AATK: variants seen among roughly 807,000 people sequenced by gnomAD.
AATK encodes the protein lemur tail kinase 1.
In AATK, 91 loss-of-function variants were observed where a neutral mutation model predicts 114.3. The observed-to-expected ratio is 0.80, with a 90% CI of 0.67 to 0.95. The LOEUF is 0.95. Among genes scored for constraint, AATK ranks in the 40% least tolerant of loss-of-function variants. The probability of loss-of-function intolerance (pLI) is 0.00; values close to 1 mark genes in which losing one functional copy is unlikely to be tolerated. For missense variants in AATK, 2,176 were observed against 1,965.2 expected (o/e 1.11, Z -2.03); for synonymous variants, 1,075 against 916.5 (o/e 1.17, Z -3.12).
chr17:81,138,901 CCA>C (rs2061078017), intron 1 of AATK, among the ~76,000 whole-genome samples: 1 of 151,832 alleles, frequency 6.6e-6, no homozygotes, highest in Non-Finnish European at 1.5e-5. Context: ...ACACATATAA[CCA>C]CACATGCGTA....
chr17:81,157,338 G>A (rs1253808710), intron 1 of AATK, among the ~76,000 whole-genome samples: 3 of 152,194 alleles, frequency 2.0e-5, no homozygotes, highest in Non-Finnish European at 2.9e-5. Context: ...CCATGCACAC[G>A]CTCGCCTCCA....
chr17:81,126,901 C>T lies in AATK; in HGVS notation c.622-341G>A. ...GGTGGTCGAGGGTTGGCCGGCAGCC[C>T]CTGACCTGCCGAAAGCCCAGCCCCG... On this transcript the variant is annotated intron_variant, in intron 6 of 13. Transcript: ENST00000326724. This position sits in a 1 kb window ranked among gnomAD's most constrained non-coding sequence, Gnocchi z 5.1. 4.5e-6 allele frequency: 5 copies of T among 1,104,468 alleles called. No individual in the cohort carries two copies. The highest frequency in any genetic ancestry group is 5.6e-6 in the Non-Finnish European group (5 of 892,380). The allele number at this position is 1,104,468 out of a possible 1,614,324, so 68.4% of individuals were successfully genotyped here. A position where few individuals can be genotyped will look rare whatever the true frequency, so the allele number is the denominator to read the frequency against.
intron 1 of AATK, among the ~76,000 whole-genome samples, chr17:81,162,096 C>T (rs1307485249): frequency 4.6e-5 from 7 of 151,942 alleles, no homozygotes; most frequent in Non-Finnish European, 8.8e-5. Flanking sequence ...CGAGTGCCGA[C>T]ACCCACACCC....
At chr17:81,164,248 G>C (rs771700083) in intron 1 of AATK, among the ~76,000 whole-genome samples, 17 of 152,218 alleles carry the variant, frequency 1.1e-4, no homozygotes, top group Non-Finnish European at 2.5e-4. Context: ...TGGAAGGCTG[G>C]GCTAAGTTTA....
intron 1 of AATK, among the ~76,000 whole-genome samples, chr17:81,163,326 A>G (rs1414966755): frequency 6.6e-6 from 1 of 152,136 alleles, no homozygotes; most frequent in Non-Finnish European, 1.5e-5. Flanking sequence ...TGGGGCACTC[A>G]GGTAGAAGGG....
chr17:81,157,375 G>A (rs1010849764), intron 1 of AATK, among the ~76,000 whole-genome samples: 5 of 152,176 alleles, frequency 3.3e-5, no homozygotes, highest in Non-Finnish European at 5.9e-5. Context: ...GCTCATAGAC[G>A]CACACGTACC....
chr17:81,122,595 GA>G lies in AATK; in HGVS notation c.1340del (p.Phe447SerfsTer20). ...CGCCCGCGAACTGCTCCAGCAGCGG[GA>G]AGGACGAGGCAGCGGCGAGCTCCAC... is the stretch of plus-strand genomic sequence containing the variant. ...GVVELAAASSFPLLEQFAGDG... is the reference protein window; with the variant it reads ...GVVELAAASSXPLLEQFAGDG... On this transcript the variant is annotated frameshift_variant, in exon 11 of 14. Transcript: ENST00000326724. LOFTEE classifies it high-confidence loss of function. The G allele has an allele frequency of 6.9e-7, 1 of 1,439,414 alleles. No homozygotes were observed. Among genetic ancestry groups the G allele is most frequent in the Non-Finnish European group, 9.2e-7 (1 of 1,087,072 alleles). 89.2% of individuals were successfully genotyped at this position (1,439,414 alleles called of 1,614,324 possible).
chr17:81,134,504 G>A lies in AATK; in HGVS notation c.56-3C>T, dbSNP rs1168408566. ...CAGCTCGCTGAGCGGGGCGCCGTCT[G>A]CGGGAGAGCAGTGTGGTGAGAGTGG... On this transcript the variant is annotated splice_polypyrimidine_tract_variant and splice_region_variant and intron_variant, in intron 1 of 13. Transcript: ENST00000326724. The A allele has an allele frequency of 6.2e-7, 1 of 1,610,686 alleles. No homozygotes were observed.
intron 1 of AATK, chr17:81,165,522 TG>T: frequency 1.3e-6 from 1 of 750,758 alleles, no homozygotes; most frequent in Non-Finnish European, 2.0e-6. Flanking sequence ...GCTCCCAGCC[TG>T]GGAAGAAGCC....
intron 3 of AATK, 74 bp from the exon 4 acceptor site, chr17:81,128,623 G>A (rs1437229674): frequency 1.3e-6 from 2 of 1,540,058 alleles, no homozygotes; most frequent in South Asian, 1.2e-5. Context: ...GGCCCCTGGA[G>A]GGGCTGCCCG....
At chr17:81,138,341 CCACACATACCCA>C (rs1003550086) in intron 1 of AATK, among the ~76,000 whole-genome samples, 1 of 139,868 alleles carries the variant, frequency 7.1e-6, no homozygotes, top group African/African-American at 2.7e-5. Flanking sequence ...ACATGCACAC[CCACACATACCCA>C]CGCACACACA....
Position 81,122,426 on chromosome 17 carries a change from C to A in AATK, c.1510G>T (p.Glu504Ter). ...GGCGCGCCGTCGGGGGCGCACAGCT[C>A]CTGCAGGCGTGCGGTGCGGCCAGGG... Reference protein sequence around the residue: ...LSPGRTARLQELCAPDGAPPG... With the variant: ...LSPGRTARLQ The change falls in exon 11 of 14, where the codon GAG becomes TAG. Residue 504 changes from glutamate (E) to a stop codon, truncating the protein, a stop_gained. Transcript: ENST00000326724. LOFTEE classifies it high-confidence loss of function. The A allele has an allele frequency of 6.9e-7, 1 of 1,457,440 alleles. No homozygotes were observed. The highest frequency in any genetic ancestry group is 9.0e-7 in the Non-Finnish European group (1 of 1,106,750). The allele number at this position is 1,457,440 out of a possible 1,614,324, so 90.3% of individuals were successfully genotyped here.
chr17:81,128,048 A>G, intron 4 of AATK, 138 bp from the exon 5 acceptor site: 1 of 1,059,790 alleles, frequency 9.4e-7, no homozygotes, highest in Admixed American at 2.5e-5. Context: ...CACTCATTGC[A>G]GCGTGAGGTA....
rs545950382 is a variant in AATK at position 81,136,804 on chromosome 17, A to C, written c.56-2303T>G. 3.9e-5 allele frequency among the ~76,000 whole-genome samples: 6 copies of C among 152,300 alleles called. No homozygotes were observed. In the East Asian group the frequency reaches 9.7e-4, roughly 25 times the overall value. On this transcript the variant is annotated intron_variant, in intron 1 of 13. Coordinates refer to ENST00000326724, the MANE Select transcript of AATK (RefSeq NM_001080395.3). The stretch of plus-strand genomic sequence containing the variant: ...GTCCACACAAGCCAGCCAGAGCCAG[A>C]GGGTTGCAAGGAGAGACGGCACACC...
rs146256697 is a variant in AATK at position 81,159,475 on chromosome 17, G to A, written c.55+6463C>T. On this transcript the variant is annotated intron_variant, in intron 1 of 13. Coordinates refer to ENST00000326724, the MANE Select transcript of AATK (RefSeq NM_001080395.3). Reference sequence around the variant, plus strand: ...CCCGGAGGTCAGAGCGCACTTGTGTGTGCCGTGGTCACTAGGAAGCCACAC... The same window carrying A: ...CCCGGAGGTCAGAGCGCACTTGTGTATGCCGTGGTCACTAGGAAGCCACAC... Among the ~76,000 whole-genome samples the A allele has an allele frequency of 2.1e-3, 325 of 152,280 alleles. 3 individuals are homozygous for A. The highest frequency in any genetic ancestry group is 7.6e-3 in the African/African-American group (314 of 41,554).
chr17:81,158,773 C>T (rs1306650170), intron 1 of AATK, among the ~76,000 whole-genome samples: 1 of 152,232 alleles, frequency 6.6e-6, no homozygotes, highest in Non-Finnish European at 1.5e-5. Flanking sequence ...GCAGCCCCCA[C>T]ATGCTCACGA....
chr17:81,141,105 G>A (rs561392672), intron 1 of AATK, among the ~76,000 whole-genome samples: 214 of 152,088 alleles, frequency 1.4e-3, no homozygotes, highest in African/African-American at 5.0e-3. Flanking sequence ...GGAAAGGCCA[G>A]GGGTGGACTC....
intron 1 of AATK, among the ~76,000 whole-genome samples, chr17:81,146,419 C>T (rs756731929): frequency 5.9e-5 from 9 of 151,558 alleles, no homozygotes; most frequent in Non-Finnish European, 1.0e-4. Context: ...TGAGGAAATA[C>T]AAATTGCCCA....
chr17:81,165,578 G>A (rs1255736069), intron 1 of AATK: 2 of 1,281,698 alleles, frequency 1.6e-6, no homozygotes, highest in Middle Eastern at 2.0e-4. Flanking sequence ...TGGAAAGCCT[G>A]AACCCCAGCT....
Sources: allele counts gnomAD v4.1 joint callset (sites outside exome capture counted in the v4.1 genomes callset), GRCh38; gene constraint gnomAD v4.1.1; non-coding constraint Gnocchi (gnomAD v3.1); transcripts MANE v1.5; gene names NCBI Gene and HGNC (gene_info 2026-07-23, HGNC 2026-07-21).